Variants in ARHGAP28 observed in about 807,000 individuals in gnomAD.
The protein encoded by ARHGAP28 is Rho GTPase activating protein 28, also known as rho GTPase-activating protein 28.
ARHGAP28 carries 56 observed loss-of-function variants against 90.7 expected under a neutral mutation model. The observed-to-expected ratio is 0.62, with a 90% CI of 0.50 to 0.77. The LOEUF (loss-of-function observed/expected upper bound fraction) is 0.77. Among genes scored for constraint, ARHGAP28 ranks in the 30% least tolerant of loss-of-function variants. The pLI, the probability that ARHGAP28 is intolerant of heterozygous loss-of-function variation, is 0.00. For synonymous variants in ARHGAP28, 308 were observed against 323.3 expected (o/e 0.95, Z 0.51); for missense variants, 869 against 900.9 (o/e 0.96, Z 0.45).
At chr18:6,852,473 C>T (rs2056918135) in intron 4 of ARHGAP28, among the ~76,000 whole-genome samples, 1 of 152,066 alleles carries the variant, frequency 6.6e-6, no homozygotes, top group African/African-American at 2.4e-5. Flanking sequence ...ACAATCATAC[C>T]ATTAGTTAAA....
At chr18:6,730,037 C>T (rs915611810) in intron 1 of ARHGAP28, 94 bp downstream of exon 1, 42 of 1,194,176 alleles carry the variant, frequency 3.5e-5, no homozygotes, top group Non-Finnish European at 3.7e-5. Flanking sequence ...GCACGACCGC[C>T]GTCACTGGAT....
Position 6,870,804 on chromosome 18 carries a change from T to G in ARHGAP28, c.954+72T>G, listed in dbSNP as rs1385909134. ...ATAGGACAAAACTAAGATTTCTTTT[T>G]CTTTTTTTTTTTTGAGACGGAGTCT... On this transcript the variant is annotated intron_variant, in intron 7 of 17. Coordinates refer to ENST00000383472, the MANE Select transcript of ARHGAP28 (RefSeq NM_001366230.1). 4 of 1,478,118 alleles carry G rather than the reference T, an allele frequency of 2.7e-6. No individual in the cohort carries two copies. In the Admixed American group the frequency reaches 9.0e-5, roughly 33 times the overall value. The allele number at this position is 1,478,118 out of a possible 1,614,324, so 91.6% of individuals were successfully genotyped here.
intron 1 of ARHGAP28, among the ~76,000 whole-genome samples, chr18:6,761,209 A>G (rs952731394): frequency 6.6e-6 from 1 of 152,020 alleles, no homozygotes; most frequent in African/African-American, 2.4e-5. Flanking sequence ...ACATGGGGCG[A>G]GCTCCTGAGT....
chr18:6,861,059 C>A (rs1172399811), intron 5 of ARHGAP28, among the ~76,000 whole-genome samples: 2 of 152,202 alleles, frequency 1.3e-5, no homozygotes, highest in Admixed American at 6.5e-5. Flanking sequence ...TTCACAAAGT[C>A]TGGTAACTGT....
In ARHGAP28 at chr18:6,751,394, C is replaced by G. The variant is rs376774931; in HGVS notation, c.122+21451C>G. ...ATGCTTTTGTTTTTCAACTGTGAAA[C>G]TGGAGTTTCCATGACCTCATTGTGA... On this transcript the variant is annotated intron_variant, in intron 1 of 17. Coordinates refer to ENST00000383472, the MANE Select transcript of ARHGAP28 (RefSeq NM_001366230.1). Among the ~76,000 whole-genome samples, 9 of 151,840 alleles carry G rather than the reference C, an allele frequency of 5.9e-5. 2 individuals are homozygous for G. Among genetic ancestry groups the G allele is most frequent in the East Asian group, 3.9e-4 (2 of 5,176 alleles).
chr18:6,811,212 G>A (rs2056553701), intron 1 of ARHGAP28, among the ~76,000 whole-genome samples: 1 of 152,138 alleles, frequency 6.6e-6, no homozygotes, highest in South Asian at 2.1e-4. Context: ...TGCAACTGGG[G>A]TCACCCTTGC....
intron 1 of ARHGAP28, among the ~76,000 whole-genome samples, chr18:6,771,043 A>G (rs889210805): frequency 6.6e-6 from 1 of 151,702 alleles, no homozygotes; most frequent in Non-Finnish European, 1.5e-5. Context: ...TTTTATTTTT[A>G]TTTTTATTTT....
At chr18:6,776,593 G>A (rs1013579531) in intron 1 of ARHGAP28, among the ~76,000 whole-genome samples, 3 of 152,096 alleles carry the variant, frequency 2.0e-5, no homozygotes, top group Non-Finnish European at 2.9e-5. Flanking sequence ...CACCATGCCC[G>A]GCCCAAAGTG....
chr18:6,781,755 T>G (rs1029679675), intron 1 of ARHGAP28, among the ~76,000 whole-genome samples: 1 of 152,202 alleles, frequency 6.6e-6, no homozygotes, highest in African/African-American at 2.4e-5. Flanking sequence ...CTCATAATGA[T>G]TTTTTCCTCT....
intron 3 of ARHGAP28, among the ~76,000 whole-genome samples, chr18:6,841,169 T>TCTTTCTCTCTCTC (rs2056811642): frequency 3.8e-5 from 3 of 79,630 alleles, no homozygotes; most frequent in Non-Finnish European, 7.7e-5. Flanking sequence ...CTCTCTCTCC[T>TCTTTCTCTCTCTC]CTCTCTCTCT....
At chr18:6,837,456 G>T in intron 3 of ARHGAP28, 42 bp downstream of exon 3, 2 of 1,093,304 alleles carry the variant, frequency 1.8e-6, no homozygotes, top group South Asian at 2.5e-5. Context: ...CGCCTAGTTT[G>T]ACTGGGGATG....
At position 6,738,734 on chromosome 18, in the gene ARHGAP28, A is replaced by G. The variant is rs142845527; in HGVS notation, c.122+8791A>G. On this transcript the variant is annotated intron_variant, in intron 1 of 17. Coordinates refer to ENST00000383472, the MANE Select transcript of ARHGAP28 (RefSeq NM_001366230.1). ...AAGTTACATGTCAGTGGTTGGGAGT[A>G]AATCTATATTTAAGTGGCAAGAGAT... is the stretch of plus-strand genomic sequence containing the variant. 1.6e-4 allele frequency among the ~76,000 whole-genome samples: 24 copies of G among 152,336 alleles called. 1 individual carries two copies. The East Asian group carries it at 4.6e-3, about 29-fold the overall frequency.
chr18:6,885,375 C>T (rs1055370560), intron 11 of ARHGAP28, among the ~76,000 whole-genome samples: 27 of 152,006 alleles, frequency 1.8e-4, no homozygotes, highest in African/African-American at 2.2e-4. Context: ...TGAACAAGCG[C>T]GTGTGTGTGT....
At chr18:6,779,345 T>G (rs1237109047) in intron 1 of ARHGAP28, among the ~76,000 whole-genome samples, 1 of 152,208 alleles carries the variant, frequency 6.6e-6, no homozygotes, top group East Asian at 1.9e-4. Flanking sequence ...TGATTAGGGT[T>G]GTGGAATTTA....
At chr18:6,842,610 C>T (rs898340486) in intron 3 of ARHGAP28, among the ~76,000 whole-genome samples, 15 of 152,098 alleles carry the variant, frequency 9.9e-5, no homozygotes, top group African/African-American at 2.7e-4. Context: ...CTTCCATTGT[C>T]GTTGCTCTGT....
chr18:6,899,136 G>T (rs2057325077), intron 16 of ARHGAP28, among the ~76,000 whole-genome samples: 1 of 151,962 alleles, frequency 6.6e-6, no homozygotes, highest in South Asian at 2.1e-4. Flanking sequence ...TTGTAAACTG[G>T]CCCCAATTTT....
intron 2 of ARHGAP28, among the ~76,000 whole-genome samples, chr18:6,828,583 T>G (rs925130076): frequency 4.6e-5 from 7 of 152,244 alleles, no homozygotes; most frequent in African/African-American, 1.4e-4. Context: ...TTAATCCATC[T>G]TGAGTTAATT....
intron 12 of ARHGAP28, among the ~76,000 whole-genome samples, chr18:6,888,180 T>C (rs567896244): frequency 6.6e-6 from 1 of 152,370 alleles, no homozygotes; most frequent in African/African-American, 2.4e-5. Flanking sequence ...TCATATTCTA[T>C]AGTTTCATCC....
intron 4 of ARHGAP28, among the ~76,000 whole-genome samples, chr18:6,859,403 G>A (rs538929319): frequency 6.6e-6 from 1 of 152,240 alleles, no homozygotes; most frequent in East Asian, 1.9e-4. Flanking sequence ...CCTGTCATGA[G>A]CATGTATCAA....
Sources: allele counts gnomAD v4.1 joint callset (sites outside exome capture counted in the v4.1 genomes callset), GRCh38; gene constraint gnomAD v4.1.1; transcripts MANE v1.5; gene names NCBI Gene and HGNC (gene_info 2026-07-23, HGNC 2026-07-21).